YJU2B: variants seen among roughly 807,000 people sequenced by gnomAD.
YJU2B encodes probable splicing factor YJU2B.
YJU2B carries 18 observed loss-of-function variants against 38.0 expected under a neutral mutation model. That is an observed-to-expected ratio of 0.47 (90% CI 0.33 to 0.70). YJU2B has a LOEUF of 0.70. YJU2B is among the 30% of genes least tolerant of loss of function. The pLI is 0.02. For synonymous variants in YJU2B, 246 were observed against 225.4 expected (o/e 1.09, Z -0.82); for missense variants, 538 against 556.3 (o/e 0.97, Z 0.33).
At chr19:13,745,702 T>G (rs1486548274), upstream of YJU2B, among the ~76,000 whole-genome samples, 22 of 83,518 alleles carry the variant, frequency 2.6e-4, no homozygotes, top group Admixed American at 4.5e-4. Context: ...TATAGATATA[T>G]AGATATCTAT....
chr19:13,745,938 G>C (rs1973237128), upstream of YJU2B, among the ~76,000 whole-genome samples: 1 of 151,910 alleles, frequency 6.6e-6, no homozygotes, highest in Non-Finnish European at 1.5e-5. Context: ...AATAGATTCT[G>C]TTAGGCCCTA....
At chr19:13,732,577 C>CT (rs1972843112) in intron 2 of YJU2B, 2 of 129,868 alleles carry the variant, frequency 1.5e-5, no homozygotes, top group African/African-American at 5.9e-5. Context: ...TCCTTGTTTC[C>CT]TTAAAAAAAA....
chr19:13,744,770 G>A (rs1973185166), upstream of YJU2B, among the ~76,000 whole-genome samples: 1 of 152,164 alleles, frequency 6.6e-6, no homozygotes, highest in African/African-American at 2.4e-5. Context: ...GAGACGGGCG[G>A]ATCACGAGGT....
intron 6 of YJU2B, 76 bp from the exon 7 acceptor site, chr19:13,758,792 G>A (rs1201994710): frequency 1.3e-6 from 2 of 1,536,828 alleles, no homozygotes; most frequent in African/African-American, 2.8e-5. Flanking sequence ...TGGGTGGAAG[G>A]AAGCAGGCAG....
chr19:13,758,588 T>TA (rs1210543493), intron 6 of YJU2B, among the ~76,000 whole-genome samples: 2 of 151,958 alleles, frequency 1.3e-5, no homozygotes, highest in African/African-American at 2.4e-5. Flanking sequence ...ACAAATGAAT[T>TA]AACGAATAAA....
At chr19:13,752,904 C>T (rs1973524147) in intron 2 of YJU2B, among the ~76,000 whole-genome samples, 1 of 147,240 alleles carries the variant, frequency 6.8e-6, no homozygotes, top group Non-Finnish European at 1.5e-5. Context: ...CAGAGCAAGA[C>T]TCTGTCTCAA....
At chr19:13,757,932 C>T in intron 6 of YJU2B, 86 bp downstream of exon 6, 1 of 1,192,770 alleles carries the variant, frequency 8.4e-7, no homozygotes, top group South Asian at 1.3e-5. Flanking sequence ...GCGGGGGGAA[C>T]CCATTCCCTG....
chr19:13,739,513 T>G (rs756316610), intron 2 of YJU2B, among the ~76,000 whole-genome samples: 2 of 152,100 alleles, frequency 1.3e-5, no homozygotes, highest in Non-Finnish European at 2.9e-5. Context: ...TGGCAAACAC[T>G]CCCTCGGTTT....
chr19:13,744,500 T>C (rs1448061916), upstream of YJU2B, among the ~76,000 whole-genome samples: 1 of 152,194 alleles, frequency 6.6e-6, no homozygotes, highest in Non-Finnish European at 1.5e-5. Context: ...TTTTGGATCA[T>C]TATGTCTTTT....
At chr19:13,748,558 A>G (rs552820910) in intron 1 of YJU2B, among the ~76,000 whole-genome samples, 1 of 152,146 alleles carries the variant, frequency 6.6e-6, no homozygotes, top group African/African-American at 2.4e-5. Flanking sequence ...GGGTAACAAA[A>G]CCATCTTAAG....
At chr19:13,758,078 C>G (rs1374232803) in intron 6 of YJU2B, among the ~76,000 whole-genome samples, 1 of 152,138 alleles carries the variant, frequency 6.6e-6, no homozygotes, top group Non-Finnish European at 1.5e-5. Flanking sequence ...TCTGCCTGTC[C>G]TTTCTTCACC....
At chr19:13,740,583 G>A (rs1446137995) in intron 2 of YJU2B, among the ~76,000 whole-genome samples, 1 of 152,056 alleles carries the variant, frequency 6.6e-6, no homozygotes, top group African/African-American at 2.4e-5. Context: ...TGTCACCCAG[G>A]CTAGAGTGTA....
At chr19:13,743,239 A>T (rs748157790), upstream of YJU2B, among the ~76,000 whole-genome samples, 37 of 152,180 alleles carry the variant, frequency 2.4e-4, no homozygotes, top group Non-Finnish European at 5.3e-4. Flanking sequence ...GTTTCCACTT[A>T]AAAAGGCAGG....
chr19:13,753,574 C>CAAAA lies in YJU2B; in HGVS notation c.4-694_4-691dup, dbSNP rs34397712. ...GGGCAACAAGAGTGAAACTCTGTCT[C>CAAAA]AAAAAAAAAAAAAAAAAAAAAAAAG... On this transcript the variant is annotated intron_variant, in intron 2 of 9. Transcript: ENST00000221554. Among the ~76,000 whole-genome samples, 165 of 71,844 alleles carry CAAAA rather than the reference C, an allele frequency of 2.3e-3. 2 individuals are homozygous for CAAAA. Among genetic ancestry groups the CAAAA allele is most frequent in the African/African-American group, 9.0e-3 (153 of 16,990 alleles). The allele number at this position is 71,844 out of a possible 152,430, so 47.1% of individuals were successfully genotyped here. A position where few individuals can be genotyped will look rare whatever the true frequency, so the allele number is the denominator to read the frequency against.
At chr19:13,754,805 C>T (rs74316806) in intron 3 of YJU2B, among the ~76,000 whole-genome samples, 2,230 of 152,180 alleles carry the variant, frequency 0.015, 54 homozygotes, top group African/African-American at 0.051. Flanking sequence ...AACTCCCTCA[C>T]TTATTCATTT....
At chr19:13,744,554 G>A (rs879347670), upstream of YJU2B, among the ~76,000 whole-genome samples, 4 of 152,112 alleles carry the variant, frequency 2.6e-5, no homozygotes, top group Non-Finnish European at 4.4e-5. Flanking sequence ...CTAGCTAGGG[G>A]CCTGGAATTT....
Position 13,751,803 on chromosome 19 carries a change from C to T in YJU2B, c.-6C>T. 1.9e-6 allele frequency: 3 copies of T among 1,614,082 alleles called. 1 individual carries two copies. The highest frequency in any genetic ancestry group is 8.5e-7 in the Non-Finnish European group (1 of 1,179,980). ...CGAGGCTGAGGACCAGTAGGCAGCT[C>T]CCAAGATGGTGAGTAGACAGCCTCG... On this transcript the variant is annotated 5_prime_UTR_variant, in exon 2 of 10. Coordinates refer to ENST00000221554, the MANE Select transcript of YJU2B (RefSeq NM_030818.4).
At chr19:13,741,153 T>C (rs369221197) in intron 2 of YJU2B, among the ~76,000 whole-genome samples, 320 of 25,978 alleles carry the variant, frequency 0.012, 1 homozygote, top group African/African-American at 0.05. Context: ...ATAGATTTCT[T>C]TTTTTTTTTT....
chr19:13,751,041 C>T (rs928506582), intron 1 of YJU2B, among the ~76,000 whole-genome samples: 1 of 152,056 alleles, frequency 6.6e-6, no homozygotes. Context: ...CCCCACAGGC[C>T]GTGGGAAGGG....
Sources: allele counts gnomAD v4.1 joint callset (sites outside exome capture counted in the v4.1 genomes callset), GRCh38; gene constraint gnomAD v4.1.1; transcripts MANE v1.5; gene names NCBI Gene and HGNC (gene_info 2026-07-23, HGNC 2026-07-21).